Variants in MGAT4A observed in about 807,000 individuals in gnomAD.
MGAT4A encodes alpha-1,3-mannosyl-glycoprotein 4-beta-N-acetylglucosaminyltransferase A.
MGAT4A carries 33 observed loss-of-function variants against 74.1 expected under a neutral mutation model. The ratio of observed to expected loss-of-function variants is 0.45; its 90% CI spans 0.34 to 0.60. MGAT4A has a LOEUF of 0.60. Among genes scored for constraint, MGAT4A ranks in the 20% least tolerant of loss-of-function variants. The pLI is 0.02. For synonymous variants in MGAT4A, 198 were observed against 210.4 expected (o/e 0.94, Z 0.51); for missense variants, 479 against 628.3 (o/e 0.76, Z 2.54).
At chr2:98,644,142 C>G in intron 9 of MGAT4A, 89 bp from the exon 10 acceptor site, 1 of 1,260,442 alleles carries the variant, frequency 7.9e-7, no homozygotes, top group Non-Finnish European at 1.1e-6. Context: ...ACGACATACA[C>G]TGAGGCTTGC....
intron 1 of MGAT4A, among the ~76,000 whole-genome samples, chr2:98,728,523 A>C (rs920289931): frequency 2.0e-5 from 3 of 152,064 alleles, no homozygotes; most frequent in East Asian, 1.9e-4. Flanking sequence ...TGAGGCAGGC[A>C]GATTACCCGA....
chr2:98,675,727 T>A (rs536151588), intron 3 of MGAT4A, among the ~76,000 whole-genome samples: 40 of 151,730 alleles, frequency 2.6e-4, no homozygotes, highest in Admixed American at 4.6e-4. Context: ...AAAAAAAAAA[T>A]TTTTTTTGTA....
intron 2 of MGAT4A, among the ~76,000 whole-genome samples, chr2:98,717,075 G>A (rs114617554): frequency 0.014 from 2,142 of 152,046 alleles, 58 homozygotes; most frequent in African/African-American, 0.049. Context: ...CAAAAATGTC[G>A]AGGACATAAA....
intron 2 of MGAT4A, chr2:98,694,925 A>T (rs1237309664): frequency 1.3e-5 from 2 of 153,652 alleles, no homozygotes; most frequent in Non-Finnish European, 2.9e-5. Flanking sequence ...CAAGAGAGAG[A>T]TGCAACCCCC....
chr2:98,678,507 T>G (rs1308123863), intron 2 of MGAT4A, 36 bp from the exon 3 acceptor site: 4 of 1,358,392 alleles, frequency 2.9e-6, no homozygotes, highest in Non-Finnish European at 4.0e-6. Flanking sequence ...AGTATATGTC[T>G]TAAAACAAAT....
At chr2:98,647,744 T>A (rs1701515769) in intron 8 of MGAT4A, among the ~76,000 whole-genome samples, 1 of 152,228 alleles carries the variant, frequency 6.6e-6, no homozygotes, top group African/African-American at 2.4e-5. Flanking sequence ...ATAAAGCACT[T>A]TATGAAACCG....
At chr2:98,680,155 C>T (rs1466478711) in intron 2 of MGAT4A, among the ~76,000 whole-genome samples, 1 of 150,860 alleles carries the variant, frequency 6.6e-6, no homozygotes, top group Non-Finnish European at 1.5e-5. Flanking sequence ...ACAATTCTCC[C>T]ACCTCAGCCT....
At chr2:98,661,452 A>G (rs1701748957) in intron 5 of MGAT4A, among the ~76,000 whole-genome samples, 1 of 152,198 alleles carries the variant, frequency 6.6e-6, no homozygotes, top group South Asian at 2.1e-4. Context: ...AAAAATATGT[A>G]CACATATGTA....
chr2:98,640,276 C>T, intron 10 of MGAT4A, 48 bp from the exon 11 acceptor site: 1 of 1,457,934 alleles, frequency 6.9e-7, no homozygotes, highest in South Asian at 1.2e-5. Flanking sequence ...AAAGTGAAAT[C>T]TTGCCCTCAC....
At chr2:98,717,442 T>C (rs1463603182) in intron 2 of MGAT4A, among the ~76,000 whole-genome samples, 1 of 151,598 alleles carries the variant, frequency 6.6e-6, no homozygotes, top group African/African-American at 2.4e-5. Context: ...ACATGACAAC[T>C]AAACGCACCA....
At chr2:98,647,353 C>T (rs1490833221) in intron 8 of MGAT4A, among the ~76,000 whole-genome samples, 3 of 152,084 alleles carry the variant, frequency 2.0e-5, no homozygotes, top group Non-Finnish European at 4.4e-5. Context: ...TTCCCTCTGT[C>T]GCCCACACTG....
intron 10 of MGAT4A, 93 bp downstream of exon 10, chr2:98,643,830 C>A (rs1701447906): frequency 1.6e-6 from 2 of 1,242,132 alleles, no homozygotes; most frequent in Non-Finnish European, 2.1e-6. Context: ...ATATCACCTA[C>A]CTATTTAACT....
chr2:98,695,714 GT>G (rs1427260141), intron 2 of MGAT4A, among the ~76,000 whole-genome samples: 2 of 152,090 alleles, frequency 1.3e-5, no homozygotes, highest in Non-Finnish European at 2.9e-5. Flanking sequence ...AGTATTAACA[GT>G]TTCATTCCAT....
chr2:98,650,538 T>A (rs1016699035), intron 8 of MGAT4A, among the ~76,000 whole-genome samples: 1 of 152,162 alleles, frequency 6.6e-6, no homozygotes, highest in African/African-American at 2.4e-5. Flanking sequence ...ATCAGCAGAT[T>A]TCCCAGAAGA....
In MGAT4A at chr2:98,660,418, GCACA is replaced by G. The variant is rs534943882; in HGVS notation, c.538-2158_538-2155del. ...CACACACACACACACACACGCACGC[GCACA>G]CACACACACACACACACACACACAC... On this transcript the variant is annotated intron_variant, in intron 5 of 15. Transcript: ENST00000393487. 4.5e-3 allele frequency among the ~76,000 whole-genome samples: 638 copies of G among 141,698 alleles called. 2 individuals are homozygous for G. The highest frequency in any genetic ancestry group is 9.3e-3 in the African/African-American group (351 of 37,788). The allele number at this position is 141,698 out of a possible 152,430, so 93.0% of individuals were successfully genotyped here.
rs1701021612 is a variant in MGAT4A, at chr2:98,619,926, A to G, written c.*5640T>C. 1 of 152,242 alleles carries G rather than the reference A, an allele frequency of 6.6e-6. No individual in the cohort carries two copies. The highest frequency in any genetic ancestry group is 1.5e-5 in the Non-Finnish European group (1 of 68,040). The allele number at this position is 152,242 out of a possible 1,614,324, so 9.4% of individuals were successfully genotyped here. A position where few individuals can be genotyped will look rare whatever the true frequency, so the allele number is the denominator to read the frequency against. On this transcript the variant is annotated 3_prime_UTR_variant, in exon 16 of 16. Coordinates refer to ENST00000393487, the MANE Select transcript of MGAT4A (RefSeq NM_012214.3). Reference sequence around the variant, plus strand: ...TTTTTTTTCCACAATTTTGACTGCAACATTAACAGTGGGAATGTTACTTCG... The same window carrying G: ...TTTTTTTTCCACAATTTTGACTGCAGCATTAACAGTGGGAATGTTACTTCG...
intron 12 of MGAT4A, 78 bp from the exon 13 acceptor site, chr2:98,636,673 G>A (rs1701327040): frequency 7.9e-7 from 1 of 1,267,984 alleles, no homozygotes; most frequent in Non-Finnish European, 1.1e-6. Flanking sequence ...CCTTACCTCA[G>A]AGTCAGCTTT....
In MGAT4A at chr2:98,726,452, A is replaced by T. The variant is rs914331046; in HGVS notation, c.-120T>A. On this transcript the variant is annotated 5_prime_UTR_variant, in exon 2 of 16. Transcript: ENST00000393487. ...TGGCTCTAGGCCAATAAAAATCAAT[A>T]AGAGAGGTTCATTTCAGATGATCTG... 1.4e-6 allele frequency: 1 copy of T among 693,468 alleles called. No homozygotes were observed. The highest frequency in any genetic ancestry group is 1.8e-5 in the African/African-American group (1 of 55,882). 43.0% of individuals were successfully genotyped at this position (693,468 alleles called of 1,614,324 possible). A position where few individuals can be genotyped will look rare whatever the true frequency, so the allele number is the denominator to read the frequency against.
At chr2:98,641,499 C>CAAAAAAA (rs1205460540) in intron 10 of MGAT4A, among the ~76,000 whole-genome samples, 6 of 75,276 alleles carry the variant, frequency 8.0e-5, no homozygotes, top group Admixed American at 3.5e-4. Context: ...ACTAAAAATA[C>CAAAAAAA]AAAAAAAAAA....
Sources: gnomAD v4.1 joint callset for allele counts (sites outside exome capture counted in the v4.1 genomes callset) on GRCh38, gnomAD v4.1.1 for gene constraint, MANE v1.5 for transcripts, NCBI Gene and HGNC (gene_info 2026-07-23, HGNC 2026-07-21) for gene names.